Variants in NKAIN2 observed in about 807,000 individuals in gnomAD.
NKAIN2 encodes the protein sodium/potassium transporting ATPase interacting 2.
A neutral mutation model predicts 32.6 loss-of-function variants in NKAIN2; 14 were observed. The ratio of observed to expected loss-of-function variants is 0.43; its 90% CI spans 0.28 to 0.67. The LOEUF (loss-of-function observed/expected upper bound fraction) is 0.67, where lower values mean the gene tolerates loss of function less well. Ranked by LOEUF, NKAIN2 falls within the 30% of genes least tolerant of loss-of-function variation. NKAIN2 has a pLI of 0.17. For missense variants in NKAIN2, 198 were observed against 258.3 expected (o/e 0.77, Z 1.60); for synonymous variants, 80 against 87.2 (o/e 0.92, Z 0.46).
At chr6:123,874,771 T>C (rs933611141) in intron 1 of NKAIN2, among the ~76,000 whole-genome samples, 1 of 152,010 alleles carries the variant, frequency 6.6e-6, no homozygotes, top group South Asian at 2.1e-4. Flanking sequence ...TTGTAGAAAA[T>C]TGAAAAAATT....
chr6:124,653,158 T>C (rs925261453), intron 3 of NKAIN2, among the ~76,000 whole-genome samples: 1 of 151,934 alleles, frequency 6.6e-6, no homozygotes, highest in Non-Finnish European at 1.5e-5. Flanking sequence ...CTAAAGTATA[T>C]AGAGAGAGGT....
At chr6:124,387,699 A>T (rs1017451200) in intron 3 of NKAIN2, among the ~76,000 whole-genome samples, 1 of 152,112 alleles carries the variant, frequency 6.6e-6, no homozygotes, top group Non-Finnish European at 1.5e-5. Context: ...TACAAATCAG[A>T]ATAAGAATAC....
chr6:124,087,624 A>G (rs1784242289), intron 1 of NKAIN2, among the ~76,000 whole-genome samples: 1 of 151,978 alleles, frequency 6.6e-6, no homozygotes, highest in Non-Finnish European at 1.5e-5. Flanking sequence ...ATCTGTGGCT[A>G]TTGGGAACTC....
chr6:123,983,805 G>A (rs1387486617), intron 1 of NKAIN2, among the ~76,000 whole-genome samples: 5 of 151,734 alleles, frequency 3.3e-5, no homozygotes, highest in Non-Finnish European at 7.4e-5. Context: ...ATTAAACTCA[G>A]GAAATTTTAT....
At position 124,495,256 on chromosome 6, in the gene NKAIN2, T is replaced by C. The variant is rs192882903; in HGVS notation, c.273+139909T>C. On this transcript the variant is annotated intron_variant, in intron 3 of 6. Coordinates refer to ENST00000368417, the MANE Select transcript of NKAIN2 (RefSeq NM_001040214.3). ...AATTATGCAGCTTTGATTTCTGCAG[T>C]TCTTAAAGACATTTTCAAATTTAAA... Among the ~76,000 whole-genome samples, 59 of 152,300 alleles carry C rather than the reference T, an allele frequency of 3.9e-4. No individual in the cohort carries two copies. In the East Asian group the frequency reaches 0.01, roughly 26 times the overall value.
intron 1 of NKAIN2, among the ~76,000 whole-genome samples, chr6:123,991,731 G>A (rs911961976): frequency 1.3e-5 from 2 of 151,940 alleles, no homozygotes; most frequent in South Asian, 2.1e-4. Flanking sequence ...GCATGGTGGT[G>A]GGCGCCTGTA....
intron 4 of NKAIN2, among the ~76,000 whole-genome samples, chr6:124,725,043 G>A (rs549533547): frequency 1.3e-5 from 2 of 152,088 alleles, no homozygotes; most frequent in Non-Finnish European, 2.9e-5. Flanking sequence ...TGTCTACTAG[G>A]GAATTCCGAC....
intron 1 of NKAIN2, among the ~76,000 whole-genome samples, chr6:124,265,437 A>G (rs1794450506): frequency 6.6e-6 from 1 of 152,178 alleles, no homozygotes; most frequent in Non-Finnish European, 1.5e-5. Flanking sequence ...AGCACATACC[A>G]TTGTTGTAAA....
chr6:123,838,819 G>T (rs1582626128), intron 1 of NKAIN2, among the ~76,000 whole-genome samples: 1 of 152,142 alleles, frequency 6.6e-6, no homozygotes, highest in Non-Finnish European at 1.5e-5. Context: ...TCAAAAAAGT[G>T]TGAGATTTCA....
At chr6:123,805,787 A>C (rs1773187929) in intron 1 of NKAIN2, among the ~76,000 whole-genome samples, 1 of 152,178 alleles carries the variant, frequency 6.6e-6, no homozygotes, top group South Asian at 2.1e-4. Context: ...TCAGAAAAAG[A>C]ATACATTTGC....
At chr6:124,563,726 C>T (rs994141060) in intron 3 of NKAIN2, among the ~76,000 whole-genome samples, 2 of 152,150 alleles carry the variant, frequency 1.3e-5, no homozygotes, top group East Asian at 1.9e-4. Flanking sequence ...GGTGCGATTG[C>T]GATCTCAGCT....
At chr6:124,673,926 T>G (rs79670117) in intron 4 of NKAIN2, among the ~76,000 whole-genome samples, 37,509 of 151,776 alleles carry the variant, frequency 0.25, 4,909 homozygotes, top group East Asian at 0.41. Context: ...TTGTGCTTTT[T>G]ATTTCATATC....
intron 1 of NKAIN2, among the ~76,000 whole-genome samples, chr6:123,946,391 A>G (rs908009711): frequency 6.6e-6 from 1 of 152,130 alleles, no homozygotes; most frequent in Non-Finnish European, 1.5e-5. Flanking sequence ...ATGTGATTTA[A>G]CTGAAATTTA....
chr6:124,507,674 C>T (rs1778539266), intron 3 of NKAIN2, among the ~76,000 whole-genome samples: 1 of 152,012 alleles, frequency 6.6e-6, no homozygotes, highest in Admixed American at 6.6e-5. Flanking sequence ...GACACTTAAT[C>T]CTAATACTCA....
At chr6:123,973,487 A>G (rs1778426676) in intron 1 of NKAIN2, among the ~76,000 whole-genome samples, 1 of 152,008 alleles carries the variant, frequency 6.6e-6, no homozygotes, top group Non-Finnish European at 1.5e-5. Context: ...GCCTGTCTAT[A>G]TAGAGGAGAA....
chr6:124,283,716 G>A (rs754943327), intron 2 of NKAIN2, among the ~76,000 whole-genome samples: 1 of 152,070 alleles, frequency 6.6e-6, no homozygotes, highest in Non-Finnish European at 1.5e-5. Context: ...ATCCAACTGT[G>A]TTTCAGTTAC....
chr6:124,486,074 C>T (rs976315364), intron 3 of NKAIN2, among the ~76,000 whole-genome samples: 2 of 152,166 alleles, frequency 1.3e-5, no homozygotes, highest in Non-Finnish European at 2.9e-5. Context: ...TAGCTCCTAT[C>T]CAGTTTTCTT....
At chr6:124,461,002 TTA>T (rs1351422837) in intron 3 of NKAIN2, among the ~76,000 whole-genome samples, 3 of 151,800 alleles carry the variant, frequency 2.0e-5, no homozygotes, top group South Asian at 2.1e-4. Flanking sequence ...TTTTTTAAAG[TTA>T]TATTTTATTT....
At chr6:124,501,496 T>C (rs1778290551) in intron 3 of NKAIN2, among the ~76,000 whole-genome samples, 1 of 152,210 alleles carries the variant, frequency 6.6e-6, no homozygotes, top group Non-Finnish European at 1.5e-5. Context: ...TTTTGTAACC[T>C]ACTGTAGCGT....
Sources: gnomAD v4.1 joint callset for allele counts (sites outside exome capture counted in the v4.1 genomes callset) on GRCh38, gnomAD v4.1.1 for gene constraint, MANE v1.5 for transcripts, NCBI Gene and HGNC (gene_info 2026-07-23, HGNC 2026-07-21) for gene names.